The following PTPRZ1 variants were observed in gnomAD, a reference collection of about 807,000 sequenced individuals.
PTPRZ1 encodes protein tyrosine phosphatase receptor type Z1, also known as receptor-type tyrosine-protein phosphatase zeta.
In PTPRZ1, 82 loss-of-function variants were observed where a neutral mutation model predicts 214.1. The observed-to-expected ratio is 0.38, with a 90% CI of 0.32 to 0.46. The LOEUF (loss-of-function observed/expected upper bound fraction) is 0.46. Among genes scored for constraint, PTPRZ1 ranks in the 20% least tolerant of loss-of-function variants. PTPRZ1 has a pLI of 1.00. For missense variants in PTPRZ1, 2,603 were observed against 2,748.7 expected (o/e 0.95, Z 1.19); for synonymous variants, 945 against 987.9 (o/e 0.96, Z 0.81).
At position 121,976,871 on chromosome 7, in the gene PTPRZ1, A is replaced by T; in HGVS notation, c.619+20A>T. On this transcript the variant is annotated intron_variant, in intron 6 of 29. Coordinates refer to ENST00000393386, the MANE Select transcript of PTPRZ1 (RefSeq NM_002851.3). ...GTTTTGGTAAGCTACTTGGGGAACT[A>T]TCTTTCTTCAGGATTCTGCTTTGGA... 2 of 1,600,118 alleles carry T rather than the reference A, an allele frequency of 1.2e-6. No individual in the cohort carries two copies. Among genetic ancestry groups the T allele is most frequent in the Middle Eastern group, 3.3e-4 (2 of 6,028 alleles).
chr7:122,057,757 T>C lies in PTPRZ1; in HGVS notation c.6529-1043T>C, dbSNP rs117975826. 5.0e-3 allele frequency among the ~76,000 whole-genome samples: 751 copies of C among 151,568 alleles called. 2 individuals are homozygous for C. Among genetic ancestry groups the C allele is most frequent in the Non-Finnish European group, 7.8e-3 (531 of 67,706 alleles). On this transcript the variant is annotated intron_variant, in intron 27 of 29. Transcript: ENST00000393386. ...TTTAAAAGGAAACCATCATTTAGTA[T>C]CTTAAAAAAATACCTTTTACCCTGA...
At chr7:121,926,920 TA>T (rs1208511356) in intron 1 of PTPRZ1, among the ~76,000 whole-genome samples, 2 of 152,202 alleles carry the variant, frequency 1.3e-5, no homozygotes, top group African/African-American at 4.8e-5. Context: ...CCAAAACCTT[TA>T]TTTTTCCAAA....
At chr7:122,059,093 G>T in intron 28 of PTPRZ1, 151 bp downstream of exon 28, 3 of 701,396 alleles carry the variant, frequency 4.3e-6, no homozygotes, top group Non-Finnish European at 3.9e-6. Flanking sequence ...AGTTAACACA[G>T]AACATTTTTT....
chr7:121,893,951 G>A (rs1471689565), intron 1 of PTPRZ1, among the ~76,000 whole-genome samples: 1 of 152,092 alleles, frequency 6.6e-6, no homozygotes, highest in Non-Finnish European at 1.5e-5. Flanking sequence ...ACTTATAATA[G>A]GTTAAATGAG....
chr7:121,995,826 T>C (rs1215536429), intron 8 of PTPRZ1, among the ~76,000 whole-genome samples: 1 of 152,178 alleles, frequency 6.6e-6, no homozygotes, highest in Non-Finnish European at 1.5e-5. Flanking sequence ...ATAATTGAAA[T>C]TATCCTCATC....
intron 2 of PTPRZ1, among the ~76,000 whole-genome samples, chr7:121,965,652 C>T (rs1371818224): frequency 2.6e-5 from 4 of 152,178 alleles, no homozygotes; most frequent in Non-Finnish European, 4.4e-5. Flanking sequence ...GCGACTCTCT[C>T]TTCATATTCA....
intron 9 of PTPRZ1, among the ~76,000 whole-genome samples, chr7:121,997,030 T>G (rs1045259641): frequency 2.0e-5 from 3 of 152,176 alleles, no homozygotes; most frequent in Non-Finnish European, 4.4e-5. Flanking sequence ...GGGTCAGAAC[T>G]TTGGGGATGT....
chr7:121,961,374 G>C (rs1398597747), intron 2 of PTPRZ1, among the ~76,000 whole-genome samples: 1 of 152,180 alleles, frequency 6.6e-6, no homozygotes, highest in Non-Finnish European at 1.5e-5. Flanking sequence ...GCCACCATGA[G>C]TTTGCTCAGG....
chr7:121,942,826 AATAG>A (rs1283008829), intron 2 of PTPRZ1, among the ~76,000 whole-genome samples: 4 of 152,232 alleles, frequency 2.6e-5, no homozygotes, highest in South Asian at 4.1e-4. Flanking sequence ...TTTGGCCTTA[AATAG>A]ATAGTCACAC....
intron 2 of PTPRZ1, among the ~76,000 whole-genome samples, chr7:121,931,656 A>T (rs549916021): frequency 6.6e-6 from 1 of 152,244 alleles, no homozygotes; most frequent in South Asian, 2.1e-4. Flanking sequence ...GTTTCAGCAG[A>T]TATGATAGCA....
chr7:122,040,245 T>G (rs937498552), intron 20 of PTPRZ1, among the ~76,000 whole-genome samples: 12 of 152,152 alleles, frequency 7.9e-5, no homozygotes, highest in African/African-American at 2.4e-4. Flanking sequence ...GAATAACGTA[T>G]TACTCAGGTT....
At position 121,873,397 on chromosome 7, in the gene PTPRZ1, G is replaced by T. The variant is rs996598138; in HGVS notation, c.-103G>T. 5 of 1,144,484 alleles carry T rather than the reference G, an allele frequency of 4.4e-6. No homozygotes were observed. Among genetic ancestry groups the T allele is most frequent in the African/African-American group, 1.5e-5 (1 of 65,204 alleles). 70.9% of individuals were successfully genotyped at this position (1,144,484 alleles called of 1,614,324 possible). On this transcript the variant is annotated 5_prime_UTR_variant, in exon 1 of 30. Coordinates refer to ENST00000393386, the MANE Select transcript of PTPRZ1 (RefSeq NM_002851.3). Reference sequence around the variant, plus strand: ...TCTCACTTCGATCTATACACTGGAGGATTAAAACAAACAAACAAAAAAAAC... The same window carrying T: ...TCTCACTTCGATCTATACACTGGAGTATTAAAACAAACAAACAAAAAAAAC...
At chr7:122,006,177 G>T (rs976622590) in intron 11 of PTPRZ1, among the ~76,000 whole-genome samples, 1 of 151,778 alleles carries the variant, frequency 6.6e-6, no homozygotes, top group African/African-American at 2.4e-5. Flanking sequence ...ATATTTATGA[G>T]GTATATAGTG....
chr7:122,053,185 C>G (rs960308918), intron 25 of PTPRZ1, among the ~76,000 whole-genome samples: 7 of 152,096 alleles, frequency 4.6e-5, no homozygotes, highest in Admixed American at 1.3e-4. Flanking sequence ...ACCAATGCCC[C>G]CACTGAGTCC....
chr7:122,013,244 T>C lies in PTPRZ1; in HGVS notation c.4198T>C (p.Ser1400Pro), dbSNP rs762268082. The change falls in exon 12 of 30, where the codon TCT becomes CCT. Residue 1400 changes from serine (S) to proline (P), a missense_variant. This residue lies in a region of PTPRZ1 where 1,913 missense variants were observed against 1,914.3 expected (regional missense o/e 1.00). Transcript: ENST00000393386. Reference sequence around the variant, plus strand: ...GTTGCTGTTTCCTTCTAAGGCAACTTCTGAGCTGAGTCATAGTGCCAAATC... The same window carrying C: ...GTTGCTGTTTCCTTCTAAGGCAACTCCTGAGCTGAGTCATAGTGCCAAATC... Reference protein sequence around the residue: ...TKLLFPSKATSELSHSAKSDA... With the variant: ...TKLLFPSKATPELSHSAKSDA... 6.2e-7 allele frequency: 1 copy of C among 1,614,166 alleles called. No homozygotes were observed. The highest frequency in any genetic ancestry group is 8.5e-7 in the Non-Finnish European group (1 of 1,180,024).
chr7:121,956,830 G>A (rs1454717233), intron 2 of PTPRZ1, among the ~76,000 whole-genome samples: 1 of 152,156 alleles, frequency 6.6e-6, no homozygotes, highest in East Asian at 1.9e-4. Context: ...GGAACCAAGA[G>A]GAAGTCTCTC....
At chr7:122,018,203 G>C (rs1584747548) in intron 12 of PTPRZ1, among the ~76,000 whole-genome samples, 1 of 152,144 alleles carries the variant, frequency 6.6e-6, no homozygotes, top group African/African-American at 2.4e-5. Flanking sequence ...TGTAATGTTA[G>C]AAACCGTTCT....
At chr7:122,005,639 T>G (rs920247752) in intron 11 of PTPRZ1, among the ~76,000 whole-genome samples, 4 of 151,152 alleles carry the variant, frequency 2.6e-5, no homozygotes, top group Non-Finnish European at 4.4e-5. Context: ...CATATGGAGA[T>G]ATATATATAT....
chr7:121,976,673 T>A (rs1797445131), intron 5 of PTPRZ1, 112 bp from the exon 6 acceptor site: 1 of 847,494 alleles, frequency 1.2e-6, no homozygotes, highest in Admixed American at 3.0e-5. Flanking sequence ...TTTTGGAACT[T>A]ACTATTTTTT....
Sources: gnomAD v4.1 joint callset for allele counts (sites outside exome capture counted in the v4.1 genomes callset) on GRCh38, gnomAD v4.1.1 for gene constraint, gnomAD v4.1.1 regional missense constraint, MANE v1.5 for transcripts, NCBI Gene and HGNC (gene_info 2026-07-23, HGNC 2026-07-21) for gene names.